Variants in RAG1 observed in about 807,000 individuals in gnomAD.
RAG1 encodes V(D)J recombination-activating protein 1.
In RAG1, 35 loss-of-function variants were observed where a neutral mutation model predicts 62.7. The ratio of observed to expected loss-of-function variants is 0.56; its 90% CI spans 0.43 to 0.74. The LOEUF (loss-of-function observed/expected upper bound fraction) is 0.74, where lower values mean the gene tolerates loss of function less well. Among genes scored for constraint, RAG1 ranks in the 30% least tolerant of loss-of-function variants. The pLI is 0.00. For missense variants in RAG1, 1,169 were observed against 1,278.6 expected (o/e 0.91, Z 1.31); for synonymous variants, 461 against 470.3 (o/e 0.98, Z 0.26).
chr11:36,574,666 G>A lies in RAG1; in HGVS notation c.1362G>A (p.Leu454=), dbSNP rs758054721. 1 of 1,614,224 alleles carries A rather than the reference G, an allele frequency of 6.2e-7. No individual in the cohort carries two copies. Among genetic ancestry groups the A allele is most frequent in the Non-Finnish European group, 8.5e-7 (1 of 1,180,048 alleles). The part of the protein sequence containing the change: ...ARNEHRQADE[L]EAIMQGKGSG... ...ATGAGCACAGGCAAGCTGATGAGCTGGAGGCCATCATGCAGGGAAAGGGCT... is the reference window on the plus strand; with the variant it reads ...ATGAGCACAGGCAAGCTGATGAGCTAGAGGCCATCATGCAGGGAAAGGGCT... The change falls in exon 2 of 2, where the codon CTG becomes CTA. Residue 454 remains leucine (L), a synonymous_variant. Coordinates refer to ENST00000299440, the MANE Select transcript of RAG1 (RefSeq NM_000448.3).
At chr11:36,540,492 C>T (rs1022414826), downstream of RAG1, among the ~76,000 whole-genome samples, 1 of 152,120 alleles carries the variant, frequency 6.6e-6, no homozygotes, top group African/African-American at 2.4e-5. Flanking sequence ...GCAAGCTCCA[C>T]CTCCCGGGTT....
In RAG1 at chr11:36,575,807, A is replaced by G. The variant is rs1295452877; in HGVS notation, c.2503A>G (p.Thr835Ala). The G allele has an allele frequency of 4.3e-6, 7 of 1,614,254 alleles. No individual in the cohort carries two copies. Among genetic ancestry groups the G allele is most frequent in the Non-Finnish European group, 5.9e-6 (7 of 1,180,050 alleles). The change falls in exon 2 of 2, where the codon ACA becomes GCA. Residue 835 changes from threonine to alanine, a missense_variant. Thr to Ala is a moderately conservative substitution (Grantham distance 58). This residue lies in a region of RAG1 where 800 missense variants were observed against 943.3 expected (regional missense o/e 0.85). Transcript: ENST00000299440. The surrounding 1 kb of genome is among the most constrained non-coding windows in gnomAD (Gnocchi z 4.1). ...AGAGGAAAGGAAAAGGTGGCAGGCC[A>G]CACTGGACAAGCATCTCCGGAAGAA... ...SKEERKRWQA[T>A]LDKHLRKKMN...
chr11:36,529,976 TA>T (rs1385702658), intron 2 of RAG1, among the ~76,000 whole-genome samples: 1 of 152,100 alleles, frequency 6.6e-6, no homozygotes, highest in Non-Finnish European at 1.5e-5. Flanking sequence ...TAAAGTTCTT[TA>T]AAATTACAAA....
chr11:36,578,867 C>A lies in RAG1; in HGVS notation c.*2431C>A, dbSNP rs1250979052. 2 of 167,032 alleles carry A rather than the reference C, an allele frequency of 1.2e-5. No homozygotes were observed. Among genetic ancestry groups the A allele is most frequent in the Non-Finnish European group, 2.9e-5 (2 of 68,120 alleles). The allele number at this position is 167,032 out of a possible 1,614,324, so 10.3% of individuals were successfully genotyped here. ...TCCAGGGAAATTCACCACACTGAAT[C>A]GAGCATTTGTGTGTGTATGTGTGAA... On this transcript the variant is annotated 3_prime_UTR_variant, in exon 2 of 2. Transcript: ENST00000299440.
upstream of RAG1, chr11:36,567,317 A>G (rs560750030): frequency 6.6e-6 from 1 of 152,310 alleles, no homozygotes; most frequent in African/African-American, 2.4e-5. Context: ...AGCCTAGCCC[A>G]TTGCTCTCAA....
intron 2 of RAG1, among the ~76,000 whole-genome samples, chr11:36,526,977 A>T (rs374267201): frequency 6.6e-6 from 1 of 152,156 alleles, no homozygotes. Context: ...TAGATTCTGG[A>T]TATTAGCCCT....
intron 2 of RAG1, among the ~76,000 whole-genome samples, chr11:36,534,546 G>A (rs1315559337): frequency 2.6e-5 from 4 of 152,190 alleles, no homozygotes; most frequent in Non-Finnish European, 5.9e-5. Context: ...ATTTTCCACT[G>A]CCATGGCAAT....
At chr11:36,524,691 A>G (rs1229852827) in intron 2 of RAG1, among the ~76,000 whole-genome samples, 1 of 151,990 alleles carries the variant, frequency 6.6e-6, no homozygotes, top group Non-Finnish European at 1.5e-5. Context: ...GGGTCTCACT[A>G]TGTTGCCAGA....
At position 36,541,173 on chromosome 11, in the gene RAG1, A is replaced by G. The variant is rs1290684117; in HGVS notation, c.-412+5139A>G. Among the ~76,000 whole-genome samples, 10 of 152,312 alleles carry G rather than the reference A, an allele frequency of 6.6e-5. No individual in the cohort carries two copies. The East Asian group carries it at 1.9e-3, about 29-fold the overall frequency. On this transcript the variant is annotated intron_variant and NMD_transcript_variant, in intron 3 of 9. Coordinates refer to the RAG1 transcript ENST00000534663. Reference sequence around the variant, plus strand: ...TGCGGGCTGTAAACAATGGAGCTATATTAAGAAAGTCCTGCATCTGCAGCA... The same window carrying G: ...TGCGGGCTGTAAACAATGGAGCTATGTTAAGAAAGTCCTGCATCTGCAGCA...
chr11:36,573,764 C>A lies in RAG1; in HGVS notation c.460C>A (p.Leu154Ile), dbSNP rs1850786752. 40 of 1,613,978 alleles carry A rather than the reference C, an allele frequency of 2.5e-5. No homozygotes were observed. The highest frequency in any genetic ancestry group is 3.4e-5 in the Non-Finnish European group (40 of 1,180,050). Residue 154 changes from leucine to isoleucine, a missense_variant, in exon 2 of 2, where the codon CTC becomes ATC. Leu to Ile is a conservative substitution (Grantham distance 5). Around this residue, in one of 2 missense-constraint regions of RAG1, gnomAD observed 369 missense variants for 335.3 expected, o/e 1.10. Coordinates refer to ENST00000299440, the MANE Select transcript of RAG1 (RefSeq NM_000448.3). ...KEKRATSWPD[L>I]IAKVFRIDVK... ...AAAGAGAGCTACTTCCTGGCCGGACCTCATTGCCAAGGTTTTCCGGATCGA... is the reference window on the plus strand; with the variant it reads ...AAAGAGAGCTACTTCCTGGCCGGACATCATTGCCAAGGTTTTCCGGATCGA...
Position 36,575,192 on chromosome 11 carries a change from A to T in RAG1, c.1888A>T (p.Met630Leu). 1.2e-6 allele frequency: 2 copies of T among 1,614,192 alleles called. No individual in the cohort carries two copies. The highest frequency in any genetic ancestry group is 1.7e-6 in the Non-Finnish European group (2 of 1,180,026). Residue 630 changes from methionine (M) to leucine (L), a missense_variant, in exon 2 of 2, where the codon ATG becomes TTG. Physicochemically the swap from Met to Leu is conservative, Grantham distance 15 (BLOSUM62 2). This residue lies in a region of RAG1 where 800 missense variants were observed against 943.3 expected (regional missense o/e 0.85). Transcript: ENST00000299440. The surrounding 1 kb of genome is among the most constrained non-coding windows in gnomAD (Gnocchi z 4.1). ...GGCAGTCCGTTTTTCATTCACAATC[A>T]TGAAAATTACTATTGCCCACAGCTC... ...EKAVRFSFTI[M>L]KITIAHSSQN...
intron 1 of RAG1, among the ~76,000 whole-genome samples, chr11:36,511,373 G>A (rs548597929): frequency 1.3e-5 from 2 of 152,176 alleles, no homozygotes; most frequent in Non-Finnish European, 1.5e-5. Flanking sequence ...AGGATGGCTT[G>A]AGCCCTGGCA....
chr11:36,574,264 C>G lies in RAG1; in HGVS notation c.960C>G (p.Cys320Trp). Residue 320 changes from cysteine (C) to tryptophan (W), a missense_variant, in exon 2 of 2, where the codon TGC becomes TGG. Cys to Trp is a radical substitution (Grantham distance 215, BLOSUM62 -2). This residue lies in a region of RAG1 where 800 missense variants were observed against 943.3 expected (regional missense o/e 0.85). Coordinates refer to ENST00000299440, the MANE Select transcript of RAG1 (RefSeq NM_000448.3). The part of the protein sequence containing the change: ...HVFCRVCILR[C>W]LKVMGSYCPS... ...TTTGCCGGGTCTGCATTCTCAGATGCCTCAAAGTCATGGGCAGCTATTGTC... is the reference window on the plus strand; with the variant it reads ...TTTGCCGGGTCTGCATTCTCAGATGGCTCAAAGTCATGGGCAGCTATTGTC... 3.1e-6 allele frequency: 5 copies of G among 1,614,176 alleles called. No individual in the cohort carries two copies. The highest frequency in any genetic ancestry group is 4.2e-6 in the Non-Finnish European group (5 of 1,180,038).
chr11:36,570,410 CAAAAGT>C (rs1850723322), intron 1 of RAG1, among the ~76,000 whole-genome samples: 2 of 151,984 alleles, frequency 1.3e-5, no homozygotes, highest in South Asian at 4.1e-4. Flanking sequence ...TATCTTCTAC[CAAAAGT>C]AATACACGTC....
chr11:36,574,180 C>G lies in RAG1; in HGVS notation c.876C>G (p.Ser292=). 1.2e-6 allele frequency: 2 copies of G among 1,614,222 alleles called. No individual in the cohort carries two copies. Among genetic ancestry groups the G allele is most frequent in the Admixed American group, 1.7e-5 (1 of 60,028 alleles). The change falls in exon 2 of 2, where the codon TCC becomes TCG. Residue 292 remains serine, a synonymous_variant. Transcript: ENST00000299440. The part of the protein sequence containing the change: ...DFPEHFVKSI[S]CQICEHILAD... ...CAGAGCACTTTGTGAAATCCATCTC[C>G]TGCCAGATCTGTGAACACATTCTGG...
In RAG1 at chr11:36,573,424, G is replaced by A. The variant is rs779958394; in HGVS notation, c.120G>A (p.Lys40=). 5 of 1,613,960 alleles carry A rather than the reference G, an allele frequency of 3.1e-6. No homozygotes were observed. The highest frequency in any genetic ancestry group is 3.4e-6 in the Non-Finnish European group (4 of 1,180,028). The change falls in exon 2 of 2, where the codon AAG becomes AAA. Residue 40 remains lysine, a synonymous_variant. Coordinates refer to ENST00000299440, the MANE Select transcript of RAG1 (RefSeq NM_000448.3). ...TGTTCCGGGTGAGATCCTTTGAAAA[G>A]ACACCTGAAGAAGCTCAAAAGGAAA... ...FKLFRVRSFE[K]TPEEAQKEKK...
upstream of RAG1, chr11:36,566,486 A>C (rs993703957): frequency 2.6e-5 from 4 of 152,222 alleles, no homozygotes; most frequent in African/African-American, 4.8e-5. Flanking sequence ...TTCTTCCTGT[A>C]AGTCCATTGG....
intron 1 of RAG1, among the ~76,000 whole-genome samples, chr11:36,513,042 T>C (rs1446187000): frequency 6.6e-6 from 1 of 152,186 alleles, no homozygotes; most frequent in Non-Finnish European, 1.5e-5. Flanking sequence ...AATGCCATTA[T>C]CATGCGAGTG....
At position 36,574,613 on chromosome 11, in the gene RAG1, T is replaced by A; in HGVS notation, c.1309T>A (p.Leu437Met). 6.2e-7 allele frequency: 1 copy of A among 1,614,230 alleles called. No individual in the cohort carries two copies. Among genetic ancestry groups the A allele is most frequent in the Non-Finnish European group, 8.5e-7 (1 of 1,180,040 alleles). ...AGATGTGAAGTCCGTGTGCATGACCTTGTTCCTGCTGGCTCTGAGGGCGAG... is the reference window on the plus strand; with the variant it reads ...AGATGTGAAGTCCGTGTGCATGACCATGTTCCTGCTGGCTCTGAGGGCGAG... ...GGDVKSVCMT[L>M]FLLALRARNE... Residue 437 changes from leucine (L) to methionine (M), a missense_variant, in exon 2 of 2, where the codon TTG becomes ATG. Around this residue, in one of 2 missense-constraint regions of RAG1, gnomAD observed 800 missense variants for 943.3 expected, o/e 0.85. Transcript: ENST00000299440.
Sources: allele counts gnomAD v4.1 joint callset (sites outside exome capture counted in the v4.1 genomes callset), GRCh38; gene constraint gnomAD v4.1.1; regional missense constraint gnomAD v4.1.1; non-coding constraint Gnocchi (gnomAD v3.1); transcripts MANE v1.5; gene names NCBI Gene and HGNC (gene_info 2026-07-23, HGNC 2026-07-21).